Variants in TMC4 observed in about 807,000 individuals in gnomAD.
TMC4 encodes voltage-gated chloride channel TMC4.
In TMC4, 70 loss-of-function variants were observed where a neutral mutation model predicts 82.0. The observed-to-expected ratio is 0.85, with a 90% confidence interval of 0.70 to 1.04. The LOEUF (loss-of-function observed/expected upper bound fraction) is 1.04. Among genes scored for constraint, TMC4 ranks in the 50% least tolerant of loss-of-function variants. TMC4 has a pLI of 0.00. For synonymous variants in TMC4, 446 were observed against 406.0 expected (o/e 1.10, Z -1.18); for missense variants, 879 against 899.0 (o/e 0.98, Z 0.28).
rs975348321 is a variant in TMC4, at chr19:54,163,900, T to C, written c.1114-13A>G. 1.2e-6 allele frequency: 2 copies of C among 1,613,668 alleles called. No individual in the cohort carries two copies. Among genetic ancestry groups the C allele is most frequent in the Non-Finnish European group, 1.7e-6 (2 of 1,179,944 alleles). ...CAAGGGGCATCTCCTGGGAGCGGGA[T>C]GGACCATGAGTAGAGGCTTGGGGTC... is the stretch of plus-strand genomic sequence containing the variant. On this transcript the variant is annotated splice_polypyrimidine_tract_variant and intron_variant, in intron 7 of 14. Transcript: ENST00000619895.
At chr19:54,170,066 A>G (rs1033845997) in intron 2 of TMC4, among the ~76,000 whole-genome samples, 6 of 152,172 alleles carry the variant, frequency 3.9e-5, no homozygotes, top group African/African-American at 1.4e-4. Context: ...GCGCCATTGC[A>G]TTCCAGCCTG....
intron 5 of TMC4, among the ~76,000 whole-genome samples, chr19:54,166,987 A>T (rs758313068): frequency 2.0e-5 from 3 of 151,650 alleles, no homozygotes; most frequent in Non-Finnish European, 4.4e-5. Context: ...GGCCAGGCAC[A>T]TTGGCTCATG....
chr19:54,160,936 T>G lies in TMC4; in HGVS notation c.1915A>C (p.Asn639His). Reference protein sequence around the residue: ...SISSLPETTQNFLFFLGTQAF... With the variant: ...SISSLPETTQHFLFFLGTQAF... ...TGGGTCCCCAGGAAGAAGAGGAAAT[T>G]CTGGGTGGTCTCAGGGAGGCTGGAA... Residue 639 changes from asparagine to histidine, a missense_variant, in exon 13 of 15, where the codon AAT becomes CAT. Asn to His is a moderately conservative substitution (Grantham distance 68, BLOSUM62 1). Coordinates refer to ENST00000619895, the MANE Select transcript of TMC4 (RefSeq NM_144686.4). 6.2e-7 allele frequency: 1 copy of G among 1,614,050 alleles called. No homozygotes were observed. Among genetic ancestry groups the G allele is most frequent in the Non-Finnish European group, 8.5e-7 (1 of 1,180,006 alleles).
intron 2 of TMC4, among the ~76,000 whole-genome samples, chr19:54,170,596 C>T (rs188640711): frequency 2.1e-5 from 3 of 140,124 alleles, no homozygotes; most frequent in Non-Finnish European, 4.6e-5. Context: ...AGGCTACACA[C>T]ATCCTCCTGT....
At chr19:54,170,102 G>GGAAA (rs966870398) in intron 2 of TMC4, among the ~76,000 whole-genome samples, 2 of 151,714 alleles carry the variant, frequency 1.3e-5, no homozygotes, top group African/African-American at 2.4e-5. Context: ...TTCCAAGAAA[G>GGAAA]GAAAGAAAGA....
At chr19:54,163,581 C>T (rs1009853316) in intron 8 of TMC4, 143 bp downstream of exon 8, 4 of 1,013,498 alleles carry the variant, frequency 3.9e-6, no homozygotes, top group African/African-American at 1.6e-5. Flanking sequence ...CAGGTGTGAG[C>T]CACTGCACCT....
chr19:54,162,692 G>A lies in TMC4; in HGVS notation c.1483C>T (p.Leu495Phe), dbSNP rs1600555667. 3 of 1,613,862 alleles carry A rather than the reference G, an allele frequency of 1.9e-6. No individual in the cohort carries two copies. The highest frequency in any genetic ancestry group is 4.5e-5 in the East Asian group (2 of 44,888). The change falls in exon 10 of 15, where the codon CTC (leucine) becomes TTC (phenylalanine). Residue 495 changes from leucine (L) to phenylalanine (F), a missense_variant. Coordinates refer to ENST00000619895, the MANE Select transcript of TMC4 (RefSeq NM_144686.4). ...DLLTVLAVAL[L>F]IQFPRKLLCG... Reference sequence around the variant, plus strand: ...TCTCACTTTCTAGGAAACTGGATGAGCAGCGCGACTGCCAAGACAGTCAGC... The same window carrying A: ...TCTCACTTTCTAGGAAACTGGATGAACAGCGCGACTGCCAAGACAGTCAGC...
chr19:54,166,248 G>A lies in TMC4; in HGVS notation c.798-682C>T, dbSNP rs1471829650. Reference sequence around the variant, plus strand: ...ACAAAAATTAGCCAGGCGTGGTGGTGCATGCCTGTAATCCCAACTACTTGG... The same window carrying A: ...ACAAAAATTAGCCAGGCGTGGTGGTACATGCCTGTAATCCCAACTACTTGG... On this transcript the variant is annotated intron_variant, in intron 5 of 14. Coordinates refer to ENST00000619895, the MANE Select transcript of TMC4 (RefSeq NM_144686.4). 5.3e-5 allele frequency among the ~76,000 whole-genome samples: 8 copies of A among 149,600 alleles called. No homozygotes were observed. The Admixed American group carries it at 5.4e-4, about 10-fold the overall frequency.
intron 2 of TMC4, 46 bp downstream of exon 2, chr19:54,171,824 G>A: frequency 6.6e-7 from 1 of 1,509,854 alleles, no homozygotes; most frequent in Non-Finnish European, 8.9e-7. Flanking sequence ...ATGGGAGAAG[G>A]GCCCGGTCCG....
intron 2 of TMC4, 144 bp from the exon 3 acceptor site, chr19:54,169,804 A>T: frequency 8.0e-7 from 1 of 1,249,486 alleles, no homozygotes; most frequent in Non-Finnish European, 1.1e-6. Flanking sequence ...ATAAAAAAGA[A>T]ACCAGCTGGG....
chr19:54,172,912 C>A (rs1279408340), intron 1 of TMC4, 127 bp downstream of exon 1: 5 of 790,578 alleles, frequency 6.3e-6, no homozygotes, highest in Non-Finnish European at 1.0e-5. Context: ...CCCATAATAT[C>A]AGGAAGTGGA....
In TMC4 at chr19:54,162,654, C is replaced by G. The variant is rs113124754; in HGVS notation, c.1502+19G>C. On this transcript the variant is annotated intron_variant, in intron 10 of 14. Coordinates refer to ENST00000619895, the MANE Select transcript of TMC4 (RefSeq NM_144686.4). ...TCGTCCTAGAGGGGCGGGGCCACAG[C>G]AAGGGGCGGGGCTCTCACTTTCTAG... The G allele has an allele frequency of 0.01, 16,434 of 1,603,630 alleles. 121 individuals carry two copies. Among genetic ancestry groups the G allele is most frequent in the Middle Eastern group, 0.037 (206 of 5,580 alleles).
intron 2 of TMC4, among the ~76,000 whole-genome samples, chr19:54,171,104 CAT>C (rs911108789): frequency 0.13 from 4,546 of 35,628 alleles, 223 homozygotes; most frequent in African/African-American, 0.31. Context: ...CACACATATG[CAT>C]ATATATACGC....
At position 54,164,477 on chromosome 19, in the gene TMC4, A is replaced by G. The variant is rs1357946777; in HGVS notation, c.1070T>C (p.Phe357Ser). 1.2e-6 allele frequency: 2 copies of G among 1,613,900 alleles called. No homozygotes were observed. Among genetic ancestry groups the G allele is most frequent in the South Asian group, 2.2e-5 (2 of 91,066 alleles). Residue 357 changes from phenylalanine to serine, a missense_variant, in exon 7 of 15, where the codon TTC (phenylalanine) becomes TCC (serine). By Grantham distance (155) the Phe-to-Ser change is radical (BLOSUM62 -2). Transcript: ENST00000619895. ...CCCCGTAGCCCAGTAGACGCCATAG[A>G]AGGCTGCCCCCAGGAGCGCGACCAC... ...LLVVALLGAA[F>S]YGVYWATGCT...
chr19:54,168,351 C>T, intron 4 of TMC4, 59 bp from the exon 5 acceptor site: 2 of 1,535,424 alleles, frequency 1.3e-6, no homozygotes, highest in Non-Finnish European at 1.8e-6. Flanking sequence ...CCTGGAGCTG[C>T]ACAGTCAGGG....
chr19:54,168,218 G>C lies in TMC4; in HGVS notation c.750C>G (p.Cys250Trp). Residue 250 changes from cysteine (C) to tryptophan (W), a missense_variant, in exon 5 of 15, where the codon TGC becomes TGG. Physicochemically the swap from Cys to Trp is radical, Grantham distance 215. Coordinates refer to ENST00000619895, the MANE Select transcript of TMC4 (RefSeq NM_144686.4). ...AGATGAGGCCAACGGCAAAGGCCCA[G>C]CACAGGTAGGTGACCGCCAGGCGTG... is the stretch of plus-strand genomic sequence containing the variant. ...PRPRLAVTYL[C>W]WAFAVGLICL... 1 of 1,594,012 alleles carries C rather than the reference G, an allele frequency of 6.3e-7. No individual in the cohort carries two copies. The highest frequency in any genetic ancestry group is 2.3e-5 in the East Asian group (1 of 44,026).
intron 5 of TMC4, 40 bp from the exon 6 acceptor site, chr19:54,165,606 G>A (rs749818108): frequency 1.9e-6 from 3 of 1,578,670 alleles, no homozygotes; most frequent in Non-Finnish European, 2.6e-6. Context: ...TGAAAGGACA[G>A]CCAGGAACGG....
intron 11 of TMC4, among the ~76,000 whole-genome samples, 198 bp from the exon 12 acceptor site, chr19:54,161,458 C>T (rs1348112908): frequency 1.3e-5 from 2 of 150,442 alleles, no homozygotes; most frequent in South Asian, 2.1e-4. Context: ...AAGCTATTCT[C>T]GTGTCTCAGC....
At position 54,173,024 on chromosome 19, in the gene TMC4, C is replaced by T; in HGVS notation, c.79+15G>A. ...GAAGGTCGGATGGATCTGAGCTTCT[C>T]CTGGCATTCCCTACCTCCTCTGGCC... is the stretch of plus-strand genomic sequence containing the variant. On this transcript the variant is annotated intron_variant, in intron 1 of 14. Transcript: ENST00000619895. The T allele has an allele frequency of 3.7e-6, 6 of 1,609,232 alleles. No homozygotes were observed. Among genetic ancestry groups the T allele is most frequent in the Non-Finnish European group, 5.1e-6 (6 of 1,177,432 alleles).
Sources: gnomAD v4.1 joint callset for allele counts (sites outside exome capture counted in the v4.1 genomes callset) on GRCh38, gnomAD v4.1.1 for gene constraint, MANE v1.5 for transcripts, NCBI Gene and HGNC (gene_info 2026-07-23, HGNC 2026-07-21) for gene names.